The following SYK variants were observed in gnomAD, a reference collection of about 807,000 sequenced individuals.
SYK encodes tyrosine-protein kinase SYK.
SYK carries 16 observed loss-of-function variants against 77.8 expected under a neutral mutation model. The observed-to-expected ratio is 0.21, with a 90% CI of 0.14 to 0.31. The LOEUF (loss-of-function observed/expected upper bound fraction) is 0.31, where lower values mean the gene tolerates loss of function less well. Ranked by LOEUF, SYK falls within the 10% of genes least tolerant of loss-of-function variation. The probability of loss-of-function intolerance (pLI) is 1.00; values close to 1 mark genes in which losing one functional copy is unlikely to be tolerated. For synonymous variants in SYK, 312 were observed against 308.7 expected, an observed-to-expected ratio of 1.01 and a Z score of -0.11; for missense variants, 529 against 814.4, an observed-to-expected ratio of 0.65 and a Z score of 4.26.
intron 11 of SYK, among the ~76,000 whole-genome samples, chr9:90,884,829 G>GTGTACATGCACATATACACATA (rs1828457706): frequency 1.3e-5 from 1 of 78,060 alleles, no homozygotes; most frequent in African/African-American, 4.8e-5. Context: ...ATACACATAT[G>GTGTACATGCACATATACACATA]TGTGTATATA....
At chr9:90,882,210 G>A (rs1828184110) in intron 11 of SYK, among the ~76,000 whole-genome samples, 1 of 152,174 alleles carries the variant, frequency 6.6e-6, no homozygotes, top group South Asian at 2.1e-4. Context: ...TCAAAATTCA[G>A]AAGAAACCTG....
intron 1 of SYK, among the ~76,000 whole-genome samples, chr9:90,835,360 C>T (rs371670522): frequency 3.9e-5 from 6 of 152,300 alleles, no homozygotes; most frequent in African/African-American, 9.6e-5. Flanking sequence ...CAGCTGGACA[C>T]GGGCCCAGGA....
intron 1 of SYK, among the ~76,000 whole-genome samples, chr9:90,822,468 A>C (rs1314748302): frequency 1.3e-5 from 2 of 152,370 alleles, no homozygotes; most frequent in Non-Finnish European, 2.9e-5. Flanking sequence ...AATTCTCAAA[A>C]TGAGAATCTG....
chr9:90,829,588 G>C (rs904088443), intron 1 of SYK, among the ~76,000 whole-genome samples: 1 of 152,208 alleles, frequency 6.6e-6, no homozygotes, highest in African/African-American at 2.4e-5. Flanking sequence ...GGAACTCTCG[G>C]ACCAGATCCT....
At chr9:90,891,584 T>C (rs972123869) in intron 13 of SYK, among the ~76,000 whole-genome samples, 2 of 152,170 alleles carry the variant, frequency 1.3e-5, no homozygotes, top group Admixed American at 1.3e-4. Flanking sequence ...TGCTTTTTGT[T>C]ATAAAAGACA....
intron 1 of SYK, among the ~76,000 whole-genome samples, chr9:90,838,698 A>C (rs1826177216): frequency 6.6e-6 from 1 of 152,244 alleles, no homozygotes; most frequent in African/African-American, 2.4e-5. Context: ...GGAATGAAGT[A>C]GTGTCACACA....
At chr9:90,811,386 C>A (rs1285496506) in intron 1 of SYK, among the ~76,000 whole-genome samples, 3 of 152,130 alleles carry the variant, frequency 2.0e-5, no homozygotes, top group Non-Finnish European at 4.4e-5. Context: ...CACTCAACAA[C>A]TTCACTTTTA....
At chr9:90,803,621 C>T (rs934260523) in intron 1 of SYK, among the ~76,000 whole-genome samples, 1 of 151,964 alleles carries the variant, frequency 6.6e-6, no homozygotes, top group African/African-American at 2.4e-5. Context: ...CAGGTCTAAT[C>T]TCTCTGCTTT....
In SYK at chr9:90,893,275, C is replaced by T. The variant is rs143405958; in HGVS notation, c.1836-2253C>T. 4.6e-5 allele frequency among the ~76,000 whole-genome samples: 7 copies of T among 152,178 alleles called. 1 individual carries two copies. The highest frequency in any genetic ancestry group is 3.9e-4 in the East Asian group (2 of 5,194). On this transcript the variant is annotated intron_variant, in intron 13 of 13. Coordinates refer to ENST00000375754, the MANE Select transcript of SYK (RefSeq NM_003177.7). ...ATATATGGGGTTTTTTAAGCCCTCT[C>T]GTGTCGAAGTAGTTTCTCACAGTTG...
At chr9:90,825,067 C>A (rs10993700) in intron 1 of SYK, among the ~76,000 whole-genome samples, 8 of 148,924 alleles carry the variant, frequency 5.4e-5, no homozygotes, top group African/African-American at 2.0e-4. Flanking sequence ...CAGTAGTTAA[C>A]TATTGAAATT....
At chr9:90,855,340 G>A (rs1441411866) in intron 3 of SYK, among the ~76,000 whole-genome samples, 3 of 152,176 alleles carry the variant, frequency 2.0e-5, no homozygotes, top group Non-Finnish European at 2.9e-5. Context: ...GGGGAGGGGA[G>A]GTGAAGGGTG....
chr9:90,822,623 G>T (rs1360175672), intron 1 of SYK, among the ~76,000 whole-genome samples: 1 of 152,208 alleles, frequency 6.6e-6, no homozygotes, highest in Non-Finnish European at 1.5e-5. Context: ...TGATGATTTA[G>T]TATAGTGCAC....
chr9:90,877,719 T>G lies in SYK; in HGVS notation c.1330T>G (p.Trp444Gly), dbSNP rs1463256203. 6.2e-7 allele frequency: 1 copy of G among 1,614,224 alleles called. No homozygotes were observed. The highest frequency in any genetic ancestry group is 8.5e-7 in the Non-Finnish European group (1 of 1,180,032). ...RMIGICEAES[W>G]MLVMEMAELG... ...GATCGGGATATGCGAGGCCGAGTCC[T>G]GGATGCTGGTTATGGAGATGGCAGA... The change falls in exon 10 of 14, where the codon TGG becomes GGG. Residue 444 changes from tryptophan (W) to glycine (G), a missense_variant. Coordinates refer to ENST00000375754, the MANE Select transcript of SYK (RefSeq NM_003177.7).
intron 1 of SYK, among the ~76,000 whole-genome samples, chr9:90,830,398 T>C (rs764974449): frequency 2.0e-5 from 3 of 152,244 alleles, no homozygotes; most frequent in Non-Finnish European, 2.9e-5. Flanking sequence ...AGTGGGATTC[T>C]GCCGCACAAG....
rs1350050132 is a variant in SYK, at chr9:90,888,560, C to T, written c.1768C>T (p.Arg590Trp). ...EVTAMLEKGE[R>W]MGCPAGCPRE... ...CACCGCTATGTTAGAGAAAGGAGAGCGGATGGGGTGCCCTGCAGGGTGTCC... is the reference window on the plus strand; with the variant it reads ...CACCGCTATGTTAGAGAAAGGAGAGTGGATGGGGTGCCCTGCAGGGTGTCC... Residue 590 changes from arginine (R) to tryptophan (W), a missense_variant, in exon 13 of 14, where the codon CGG becomes TGG. Arg to Trp is a moderately radical substitution (Grantham distance 101, BLOSUM62 -3). Around this residue, in one of 2 missense-constraint regions of SYK, gnomAD observed 208 missense variants for 381.3 expected, o/e 0.55. Coordinates refer to ENST00000375754, the MANE Select transcript of SYK (RefSeq NM_003177.7). 6.2e-7 allele frequency: 1 copy of T among 1,612,606 alleles called. No homozygotes were observed. The highest frequency in any genetic ancestry group is 8.5e-7 in the Non-Finnish European group (1 of 1,179,570).
intron 11 of SYK, among the ~76,000 whole-genome samples, chr9:90,884,284 T>C (rs201714780): frequency 0.023 from 782 of 34,482 alleles, 83 homozygotes; most frequent in East Asian, 0.13. Context: ...TATACACACA[T>C]ATACACATAC....
At chr9:90,891,044 G>T (rs1411109924) in intron 13 of SYK, among the ~76,000 whole-genome samples, 2 of 152,052 alleles carry the variant, frequency 1.3e-5, no homozygotes, top group Admixed American at 1.3e-4. Context: ...CGGTTGGACA[G>T]CCAGGCCATT....
At chr9:90,812,167 A>G (rs1482560015) in intron 1 of SYK, among the ~76,000 whole-genome samples, 1 of 152,146 alleles carries the variant, frequency 6.6e-6, no homozygotes, top group Non-Finnish European at 1.5e-5. Context: ...AGGTGAAATT[A>G]ACATTTTTAT....
At chr9:90,842,386 C>T (rs1826398922) in intron 1 of SYK, among the ~76,000 whole-genome samples, 1 of 147,944 alleles carries the variant, frequency 6.8e-6, no homozygotes, top group Non-Finnish European at 1.5e-5. Flanking sequence ...GTGTAGTGCG[C>T]ATGTAGTCAT....
Sources: gnomAD v4.1 joint callset for allele counts (sites outside exome capture counted in the v4.1 genomes callset) on GRCh38, gnomAD v4.1.1 for gene constraint, gnomAD v4.1.1 regional missense constraint, MANE v1.5 for transcripts, NCBI Gene and HGNC (gene_info 2026-07-23, HGNC 2026-07-21) for gene names.